SLC9A9: variants seen among roughly 807,000 people sequenced by gnomAD.
SLC9A9 encodes the protein sodium/hydrogen exchanger 9.
A neutral mutation model predicts 77.8 loss-of-function variants in SLC9A9; 62 were observed. That is an observed-to-expected ratio of 0.80 (90% CI 0.65 to 0.98). The LOEUF is 0.98. SLC9A9 is among the 50% of genes least tolerant of loss of function. The probability of loss-of-function intolerance (pLI) is 0.00; values close to 1 mark genes in which losing one functional copy is unlikely to be tolerated. For missense variants in SLC9A9, 775 were observed against 774.9 expected, an observed-to-expected ratio of 1.00 and a Z score of 0.00; for synonymous variants, 320 against 283.5, an observed-to-expected ratio of 1.13 and a Z score of -1.29.
chr3:143,767,146 T>G (rs1576712377), intron 4 of SLC9A9, among the ~76,000 whole-genome samples: 1 of 152,262 alleles, frequency 6.6e-6, no homozygotes, highest in South Asian at 2.1e-4. Flanking sequence ...GACCTCTAGA[T>G]ATTTCTGCAG....
rs191794560 is a variant in SLC9A9 at position 143,517,663 on chromosome 3, C to T, written c.1090-22215G>A. On this transcript the variant is annotated intron_variant, in intron 9 of 15. Coordinates refer to ENST00000316549, the MANE Select transcript of SLC9A9 (RefSeq NM_173653.4). ...ACTGGCCTAGAAGTCTGTGTGCTTT[C>T]GCCCGCCACTTGTAAGGCTGAGCTG... 2,607 of 1,597,178 alleles carry T rather than the reference C, an allele frequency of 1.6e-3. 11 individuals carry two copies. The highest frequency in any genetic ancestry group is 3.3e-3 in the South Asian group (300 of 90,988).
At chr3:143,697,785 A>G (rs1166386839) in intron 4 of SLC9A9, among the ~76,000 whole-genome samples, 1 of 152,126 alleles carries the variant, frequency 6.6e-6, no homozygotes, top group Non-Finnish European at 1.5e-5. Context: ...CTTGACTTAA[A>G]ATAACCATAA....
intron 12 of SLC9A9, among the ~76,000 whole-genome samples, chr3:143,442,138 C>G (rs896039337): frequency 6.6e-6 from 1 of 152,188 alleles, no homozygotes; most frequent in Non-Finnish European, 1.5e-5. Flanking sequence ...GAGGAAGGTG[C>G]CTGCACAGTG....
chr3:143,362,962 A>G (rs910124138), intron 14 of SLC9A9, among the ~76,000 whole-genome samples: 1 of 152,210 alleles, frequency 6.6e-6, no homozygotes, highest in Non-Finnish European at 1.5e-5. Flanking sequence ...CTATTTTATG[A>G]TGAACTCTGA....
chr3:143,739,757 A>G (rs538580562), intron 4 of SLC9A9, among the ~76,000 whole-genome samples: 1 of 152,308 alleles, frequency 6.6e-6, no homozygotes, highest in Non-Finnish European at 1.5e-5. Flanking sequence ...GAACAACTAG[A>G]CCAGTGGTTC....
intron 11 of SLC9A9, among the ~76,000 whole-genome samples, chr3:143,474,619 G>A (rs746393777): frequency 2.6e-5 from 4 of 151,910 alleles, no homozygotes; most frequent in Non-Finnish European, 4.4e-5. Flanking sequence ...GTATAAGGGC[G>A]ATCAAGGGTT....
intron 14 of SLC9A9, among the ~76,000 whole-genome samples, chr3:143,273,416 G>A (rs1166077139): frequency 2.6e-5 from 4 of 152,172 alleles, no homozygotes; most frequent in African/African-American, 9.7e-5. Context: ...ATGCTAGGGA[G>A]TTTGTTCTCT....
chr3:143,371,295 T>G (rs2033053340), intron 13 of SLC9A9, among the ~76,000 whole-genome samples: 1 of 152,114 alleles, frequency 6.6e-6, no homozygotes, highest in South Asian at 2.1e-4. Context: ...AAAAGCATGT[T>G]TTATGAGTAA....
rs138776341 is a variant in SLC9A9, at chr3:143,271,489, ACTGT to A, written c.1605-2513_1605-2510del. 7.8e-3 allele frequency among the ~76,000 whole-genome samples: 1,183 copies of A among 152,290 alleles called. 13 individuals carry two copies. Among genetic ancestry groups the A allele is most frequent in the African/African-American group, 0.028 (1,149 of 41,548 alleles). ...TATAAAAATGCTACTTACTTAAAAAACTGTCTGAGTAATGTTTTCTGGAGAAACC... is the reference window on the plus strand; with the variant it reads ...TATAAAAATGCTACTTACTTAAAAAACTGAGTAATGTTTTCTGGAGAAACC... On this transcript the variant is annotated intron_variant, in intron 14 of 15. Transcript: ENST00000316549.
intron 2 of SLC9A9, among the ~76,000 whole-genome samples, chr3:143,819,007 G>T (rs1435965066): frequency 6.6e-6 from 1 of 152,112 alleles, no homozygotes; most frequent in Non-Finnish European, 1.5e-5. Flanking sequence ...GCTTGAACCC[G>T]GGAGGTGGAG....
At chr3:143,706,653 C>T (rs1335413611) in intron 4 of SLC9A9, among the ~76,000 whole-genome samples, 1 of 152,278 alleles carries the variant, frequency 6.6e-6, no homozygotes, top group East Asian at 1.9e-4. Context: ...TGCGGATTGC[C>T]TGGCCTTAAT....
intron 12 of SLC9A9, among the ~76,000 whole-genome samples, chr3:143,454,611 C>T (rs1236695851): frequency 1.3e-5 from 2 of 152,156 alleles, no homozygotes; most frequent in African/African-American, 4.8e-5. Flanking sequence ...CACCTATTAG[C>T]TCCCAGTTCT....
intron 6 of SLC9A9, among the ~76,000 whole-genome samples, chr3:143,617,173 G>A (rs900467008): frequency 2.6e-5 from 4 of 152,186 alleles, no homozygotes; most frequent in African/African-American, 7.2e-5. Context: ...TCATCACGTG[G>A]AGTCTCTAGA....
intron 4 of SLC9A9, among the ~76,000 whole-genome samples, chr3:143,726,154 G>T (rs1197053635): frequency 6.7e-6 from 1 of 150,188 alleles, no homozygotes; most frequent in Non-Finnish European, 1.5e-5. Context: ...GTTGGTCTGT[G>T]CAGTAAACCA....
intron 5 of SLC9A9, among the ~76,000 whole-genome samples, chr3:143,665,440 G>A (rs901382942): frequency 1.3e-5 from 2 of 152,130 alleles, no homozygotes; most frequent in Non-Finnish European, 2.9e-5. Context: ...AGAAGCAAGA[G>A]CAAGCATACT....
chr3:143,667,344 A>C (rs1019217023), intron 5 of SLC9A9, among the ~76,000 whole-genome samples: 47 of 152,388 alleles, frequency 3.1e-4, no homozygotes, highest in Non-Finnish European at 5.7e-4. Flanking sequence ...GATGGATTAA[A>C]GACTTAAATG....
At chr3:143,821,446 C>T (rs1202486285) in intron 2 of SLC9A9, among the ~76,000 whole-genome samples, 3 of 152,156 alleles carry the variant, frequency 2.0e-5, no homozygotes, top group Non-Finnish European at 2.9e-5. Context: ...GAACTTTATG[C>T]ACTTCGCCAT....
At chr3:143,302,506 TG>T (rs1289446628) in intron 14 of SLC9A9, among the ~76,000 whole-genome samples, 6 of 152,162 alleles carry the variant, frequency 3.9e-5, no homozygotes, top group African/African-American at 1.4e-4. Flanking sequence ...CAGGAAAGGC[TG>T]GGAGTCCTGA....
intron 8 of SLC9A9, among the ~76,000 whole-genome samples, chr3:143,556,021 C>T (rs981390387): frequency 3.9e-5 from 6 of 152,218 alleles, no homozygotes; most frequent in African/African-American, 7.2e-5. Context: ...ATGACTTTTA[C>T]AAGCCAAACA....
Sources: allele counts gnomAD v4.1 joint callset (sites outside exome capture counted in the v4.1 genomes callset), GRCh38; gene constraint gnomAD v4.1.1; transcripts MANE v1.5; gene names NCBI Gene and HGNC (gene_info 2026-07-23, HGNC 2026-07-21).